Variants in ZFAND3 observed in about 807,000 individuals in gnomAD.
ZFAND3 encodes the protein zinc finger AN1-type containing 3.
A neutral mutation model predicts 29.6 loss-of-function variants in ZFAND3; 10 were observed. The ratio of observed to expected loss-of-function variants is 0.34; its 90% CI spans 0.21 to 0.57. ZFAND3 has a LOEUF of 0.57. Ranked by LOEUF, ZFAND3 falls within the 20% of genes least tolerant of loss-of-function variation. ZFAND3 has a pLI of 0.86. For synonymous variants in ZFAND3, 128 were observed against 112.6 expected (o/e 1.14, Z -0.87); for missense variants, 230 against 304.5 (o/e 0.76, Z 1.82).
chr6:37,991,362 A>T lies in ZFAND3; in HGVS notation c.112+61363A>T, dbSNP rs577234795. ...TATTTTATTATTTATTATTTACTTT[A>T]TTTTCTTTGAGACCTAGTTTCACTC... On this transcript the variant is annotated intron_variant, in intron 2 of 5. Transcript: ENST00000287218. Among the ~76,000 whole-genome samples the T allele has an allele frequency of 2.5e-4, 37 of 147,084 alleles. No individual in the cohort carries two copies. The South Asian group carries it at 5.9e-3, about 24-fold the overall frequency.
intron 4 of ZFAND3, among the ~76,000 whole-genome samples, chr6:38,099,510 C>T (rs1197222307): frequency 6.6e-6 from 1 of 152,144 alleles, no homozygotes; most frequent in African/African-American, 2.4e-5. Context: ...ATAGCAGAAC[C>T]ACAACTCAGA....
rs1765894408 is a variant in ZFAND3 at position 38,138,838 on chromosome 6, C to T, written c.530-13397C>T. Reference sequence around the variant, plus strand: ...ATGAAGAGTTGTTTCAAACATGGTACAGTTGAGATTCCTAGCATTATTCTA... The same window carrying T: ...ATGAAGAGTTGTTTCAAACATGGTATAGTTGAGATTCCTAGCATTATTCTA... On this transcript the variant is annotated intron_variant, in intron 5 of 5. Transcript: ENST00000287218. 2.6e-5 allele frequency among the ~76,000 whole-genome samples: 4 copies of T among 152,256 alleles called. No individual in the cohort carries two copies. The South Asian group carries it at 8.3e-4, about 32-fold the overall frequency.
intron 2 of ZFAND3, among the ~76,000 whole-genome samples, chr6:38,013,995 A>G (rs967487470): frequency 5.3e-5 from 8 of 152,238 alleles, no homozygotes; most frequent in Non-Finnish European, 5.9e-5. Flanking sequence ...TAAGACCTAC[A>G]GATAACTAAC....
chr6:38,099,860 G>C (rs1203009204), intron 4 of ZFAND3, among the ~76,000 whole-genome samples: 1 of 152,168 alleles, frequency 6.6e-6, no homozygotes, highest in African/African-American at 2.4e-5. Flanking sequence ...ATTACAGCTT[G>C]AATTATATGT....
intron 2 of ZFAND3, among the ~76,000 whole-genome samples, chr6:37,948,156 T>G (rs1225471190): frequency 2.6e-5 from 4 of 152,228 alleles, no homozygotes; most frequent in Non-Finnish European, 5.9e-5. Context: ...CTGTTGATTT[T>G]TTGCTTACTT....
chr6:37,924,816 A>G (rs1053302469), intron 1 of ZFAND3, among the ~76,000 whole-genome samples: 3 of 152,056 alleles, frequency 2.0e-5, no homozygotes, highest in African/African-American at 4.8e-5. Flanking sequence ...CCCAGTCTCA[A>G]AAAAACAAAA....
At chr6:38,016,152 T>A (rs1207388641) in intron 2 of ZFAND3, among the ~76,000 whole-genome samples, 2 of 152,222 alleles carry the variant, frequency 1.3e-5, no homozygotes, top group Non-Finnish European at 2.9e-5. Flanking sequence ...TGGATTAAAT[T>A]ACAGCTTATC....
At chr6:38,138,173 A>T (rs1183644796) in intron 5 of ZFAND3, among the ~76,000 whole-genome samples, 1 of 152,046 alleles carries the variant, frequency 6.6e-6, no homozygotes, top group Non-Finnish European at 1.5e-5. Context: ...AAAAAGAAAA[A>T]TATATTTCTC....
chr6:37,846,177 A>T (rs958180427), intron 1 of ZFAND3, among the ~76,000 whole-genome samples: 1 of 152,308 alleles, frequency 6.6e-6, no homozygotes, highest in African/African-American at 2.4e-5. Flanking sequence ...GGTTGAGGCC[A>T]TCTCAGTCAT....
intron 1 of ZFAND3, among the ~76,000 whole-genome samples, chr6:37,903,094 T>C (rs1194226955): frequency 6.6e-6 from 1 of 152,174 alleles, no homozygotes; most frequent in Non-Finnish European, 1.5e-5. Context: ...TGATCACCAG[T>C]CTTGAAAGTT....
intron 2 of ZFAND3, among the ~76,000 whole-genome samples, chr6:37,964,345 C>G (rs1413933855): frequency 1.3e-5 from 2 of 152,150 alleles, no homozygotes; most frequent in Admixed American, 6.5e-5. Flanking sequence ...AACTTCTGAC[C>G]TGTGTGGCTC....
chr6:37,823,646 T>G (rs1051658351), intron 1 of ZFAND3, among the ~76,000 whole-genome samples: 2 of 152,236 alleles, frequency 1.3e-5, no homozygotes, highest in African/African-American at 4.8e-5. Flanking sequence ...CCTCTTGGCT[T>G]GTATGGTATA....
chr6:38,145,401 C>G (rs1766083062), intron 5 of ZFAND3, among the ~76,000 whole-genome samples: 1 of 152,176 alleles, frequency 6.6e-6, no homozygotes, highest in South Asian at 2.1e-4. Flanking sequence ...TTTCACAGCA[C>G]TTAGAACAAG....
At position 38,091,473 on chromosome 6, in the gene ZFAND3, ATTTTT is replaced by A. The variant is rs5875611; in HGVS notation, c.361+9039_361+9043del. Among the ~76,000 whole-genome samples the A allele has an allele frequency of 4.8e-3, 355 of 73,682 alleles. 2 individuals are homozygous for A. The highest frequency in any genetic ancestry group is 0.018 in the African/African-American group (306 of 17,472). 48.3% of individuals were successfully genotyped at this position (73,682 alleles called of 152,430 possible). A position where few individuals can be genotyped will look rare whatever the true frequency, so the allele number is the denominator to read the frequency against. On this transcript the variant is annotated intron_variant, in intron 4 of 5. Transcript: ENST00000287218. Reference sequence around the variant, plus strand: ...CCCTCTCCTCCTTTGAAACTTTAGGATTTTTTTTTTTTTTTTTTTTTTTTTTTGGT... The same window carrying A: ...CCCTCTCCTCCTTTGAAACTTTAGGATTTTTTTTTTTTTTTTTTTTTTGGT...
At chr6:38,024,815 G>A (rs1382003403) in intron 2 of ZFAND3, among the ~76,000 whole-genome samples, 1 of 152,150 alleles carries the variant, frequency 6.6e-6, no homozygotes, top group African/African-American at 2.4e-5. Context: ...AGAGGGAATG[G>A]GGAGCAATTG....
At chr6:38,133,186 A>G (rs926108114) in intron 5 of ZFAND3, among the ~76,000 whole-genome samples, 2 of 152,210 alleles carry the variant, frequency 1.3e-5, no homozygotes, top group Admixed American at 6.5e-5. Context: ...TGTTTATGAT[A>G]TATGTCTCAG....
At chr6:37,980,383 G>A (rs1762559213) in intron 2 of ZFAND3, among the ~76,000 whole-genome samples, 1 of 152,120 alleles carries the variant, frequency 6.6e-6, no homozygotes, top group African/African-American at 2.4e-5. Context: ...TTGGCTTGGT[G>A]CCTTGTTTAG....
chr6:37,975,828 C>T (rs1322152621), intron 2 of ZFAND3, among the ~76,000 whole-genome samples: 1 of 152,122 alleles, frequency 6.6e-6, no homozygotes, highest in East Asian at 1.9e-4. Flanking sequence ...GTTAATCCTT[C>T]AACTTTATTT....
At chr6:37,990,489 G>A (rs1483103827) in intron 2 of ZFAND3, among the ~76,000 whole-genome samples, 2 of 152,094 alleles carry the variant, frequency 1.3e-5, no homozygotes, top group African/African-American at 2.4e-5. Flanking sequence ...TGAGTTGCTG[G>A]TGCTTTTACT....
Sources: allele counts gnomAD v4.1 joint callset (sites outside exome capture counted in the v4.1 genomes callset), GRCh38; gene constraint gnomAD v4.1.1; transcripts MANE v1.5; gene names NCBI Gene and HGNC (gene_info 2026-07-23, HGNC 2026-07-21).